CSNK1G1: variants seen among roughly 807,000 people sequenced by gnomAD.
CSNK1G1 encodes the protein casein kinase 1 gamma 1.
CSNK1G1 carries 22 observed loss-of-function variants against 59.6 expected under a neutral mutation model. The ratio of observed to expected loss-of-function variants is 0.37; its 90% CI spans 0.26 to 0.53. The LOEUF is 0.53. Among genes scored for constraint, CSNK1G1 ranks in the 20% least tolerant of loss-of-function variants. The pLI is 0.89. For missense variants in CSNK1G1, 384 were observed against 519.5 expected, an observed-to-expected ratio of 0.74 and a Z score of 2.54; for synonymous variants, 179 against 177.1, an observed-to-expected ratio of 1.01 and a Z score of -0.08.
intron 1 of CSNK1G1, among the ~76,000 whole-genome samples, chr15:64,339,514 T>C (rs959814018): frequency 6.6e-6 from 1 of 152,106 alleles, no homozygotes; most frequent in Non-Finnish European, 1.5e-5. Context: ...GGATTCGCCA[T>C]GTTGGCCCAG....
At chr15:64,219,469 T>C (rs1177568842) in intron 4 of CSNK1G1, among the ~76,000 whole-genome samples, 1 of 152,176 alleles carries the variant, frequency 6.6e-6, no homozygotes, top group Non-Finnish European at 1.5e-5. Flanking sequence ...CCTCTCCTTT[T>C]TTCTTTTGAG....
intron 11 of CSNK1G1, among the ~76,000 whole-genome samples, chr15:64,178,777 G>A (rs2081772478): frequency 6.6e-6 from 1 of 151,798 alleles, no homozygotes; most frequent in Non-Finnish European, 1.5e-5. Context: ...ACTGCACCTG[G>A]CCAAAAACTT....
chr15:64,272,944 T>A (rs1893403253), intron 2 of CSNK1G1, among the ~76,000 whole-genome samples: 2 of 152,182 alleles, frequency 1.3e-5, no homozygotes, highest in Admixed American at 1.3e-4. Flanking sequence ...GCTCAAGAGA[T>A]CCACCCACCT....
At chr15:64,345,963 G>T (rs995359167) in intron 1 of CSNK1G1, among the ~76,000 whole-genome samples, 1 of 151,828 alleles carries the variant, frequency 6.6e-6, no homozygotes, top group Non-Finnish European at 1.5e-5. Context: ...GCTAATTTTT[G>T]TATTTTTAGT....
At position 64,166,170 on chromosome 15, in the gene CSNK1G1, T is replaced by G; in HGVS notation, c.*5761A>C. On this transcript the variant is annotated 3_prime_UTR_variant, in exon 12 of 12. Transcript: ENST00000303052. The surrounding 1 kb of genome is among the most constrained non-coding windows in gnomAD (Gnocchi z 4.5). Reference sequence around the variant, plus strand: ...CTGATTTCCACTGCTGATTTATACATTATCTAGTTGTTTAAAAATCGCAAT... The same window carrying G: ...CTGATTTCCACTGCTGATTTATACAGTATCTAGTTGTTTAAAAATCGCAAT... 1 of 486,610 alleles carries G rather than the reference T, an allele frequency of 2.1e-6. No individual in the cohort carries two copies. The highest frequency in any genetic ancestry group is 3.6e-6 in the Non-Finnish European group (1 of 275,380). 30.1% of individuals were successfully genotyped at this position (486,610 alleles called of 1,614,324 possible). A position where few individuals can be genotyped will look rare whatever the true frequency, so the allele number is the denominator to read the frequency against.
At chr15:64,268,103 T>G (rs903260281) in intron 2 of CSNK1G1, among the ~76,000 whole-genome samples, 3 of 152,122 alleles carry the variant, frequency 2.0e-5, no homozygotes, top group Admixed American at 6.5e-5. Context: ...TGTACATCAA[T>G]AGATGAAAAG....
chr15:64,311,787 CG>C (rs1566943393), intron 1 of CSNK1G1, among the ~76,000 whole-genome samples: 1 of 151,124 alleles, frequency 6.6e-6, no homozygotes, highest in Non-Finnish European at 1.5e-5. Context: ...GGCTGAGGCA[CG>C]GGAATTGCTT....
At chr15:64,197,415 A>G (rs902786816) in intron 10 of CSNK1G1, among the ~76,000 whole-genome samples, 8 of 152,244 alleles carry the variant, frequency 5.3e-5, no homozygotes, top group African/African-American at 1.7e-4. Flanking sequence ...CAAACTCAAG[A>G]TGCCTAAATT....
intron 2 of CSNK1G1, among the ~76,000 whole-genome samples, chr15:64,297,011 C>G (rs963791792): frequency 1.4e-5 from 2 of 143,784 alleles, no homozygotes; most frequent in African/African-American, 5.3e-5. Flanking sequence ...CCACATAAAC[C>G]TGGAGCCCAA....
At chr15:64,230,787 A>G (rs2082537104) in intron 4 of CSNK1G1, among the ~76,000 whole-genome samples, 1 of 152,064 alleles carries the variant, frequency 6.6e-6, no homozygotes, top group Admixed American at 6.6e-5. Flanking sequence ...CCTGGCTAAC[A>G]CGGTGAAACC....
chr15:64,218,915 C>T lies in CSNK1G1; in HGVS notation c.293-2202G>A, dbSNP rs145438895. Among the ~76,000 whole-genome samples, 1,207 of 147,382 alleles carry T rather than the reference C, an allele frequency of 8.2e-3. 16 individuals are homozygous for T. The highest frequency in any genetic ancestry group is 0.028 in the African/African-American group (1,129 of 39,638). ...TGTAGCCCAGGCTGGAGTGCACTGG[C>T]GCCATCTCGACTCACTGCAACCTCC... On this transcript the variant is annotated intron_variant, in intron 4 of 11. Coordinates refer to ENST00000303052, the MANE Select transcript of CSNK1G1 (RefSeq NM_022048.5).
intron 1 of CSNK1G1, among the ~76,000 whole-genome samples, chr15:64,303,641 A>C (rs1385479415): frequency 6.6e-6 from 1 of 151,970 alleles, no homozygotes; most frequent in Non-Finnish European, 1.5e-5. Flanking sequence ...AATCCCAGCT[A>C]CTTGGGAGGC....
intron 3 of CSNK1G1, among the ~76,000 whole-genome samples, chr15:64,257,030 T>C (rs541024056): frequency 2.0e-5 from 3 of 152,006 alleles, no homozygotes; most frequent in African/African-American, 7.2e-5. Context: ...ATATCTTCCT[T>C]TGGAGAACAG....
In CSNK1G1 at chr15:64,300,443, T is replaced by C; in HGVS notation, c.57A>G (p.Ala19=). The C allele has an allele frequency of 6.2e-7, 1 of 1,614,220 alleles. No homozygotes were observed. The highest frequency in any genetic ancestry group is 8.5e-7 in the Non-Finnish European group (1 of 1,180,038). ...DERQRTTKPM[A]QRSAHCSRPS... ...GTCGAGAGCAGTGTGCACTCCTTTG[T>C]GCCATGGGTTTAGTTGTCCGTTGTC... Residue 19 remains alanine (A), a synonymous_variant, in exon 2 of 12, where the codon GCA becomes GCG. Coordinates refer to ENST00000303052, the MANE Select transcript of CSNK1G1 (RefSeq NM_022048.5).
At chr15:64,275,013 G>C (rs1893527561) in intron 2 of CSNK1G1, among the ~76,000 whole-genome samples, 1 of 152,196 alleles carries the variant, frequency 6.6e-6, no homozygotes, top group Non-Finnish European at 1.5e-5. Context: ...AAAGAGGACA[G>C]GTTGGCCTAT....
intron 10 of CSNK1G1, chr15:64,181,681 TCCTCAGTCTATG>T (rs758794496): frequency 2.2e-5 from 9 of 411,706 alleles, no homozygotes; most frequent in Non-Finnish European, 3.5e-5. Flanking sequence ...TTGGGCAAGA[TCCTCAGTCTATG>T]CCTAAGCTTC....
intron 1 of CSNK1G1, among the ~76,000 whole-genome samples, chr15:64,326,813 GCGCGCAC>G (rs1285412874): frequency 6.6e-6 from 1 of 150,790 alleles, no homozygotes; most frequent in Non-Finnish European, 1.5e-5. Flanking sequence ...GCCAGTGGGT[GCGCGCAC>G]CGTGCGCGAG....
In CSNK1G1 at chr15:64,204,407, G is replaced by A. The variant is rs143290434; in HGVS notation, c.999+34C>T. On this transcript the variant is annotated intron_variant, in intron 9 of 11. Coordinates refer to ENST00000303052, the MANE Select transcript of CSNK1G1 (RefSeq NM_022048.5). Reference sequence around the variant, plus strand: ...GTGCTGGTTGGAGAAAGGAGGTAATGAGGTTAAAAAAAAAAAAAAAAAAGG... The same window carrying A: ...GTGCTGGTTGGAGAAAGGAGGTAATAAGGTTAAAAAAAAAAAAAAAAAAGG... 5.8e-4 allele frequency: 847 copies of A among 1,452,602 alleles called. 3 individuals carry two copies. In the African/African-American group the frequency reaches 0.012, roughly 21 times the overall value. The allele number at this position is 1,452,602 out of a possible 1,614,324, so 90.0% of individuals were successfully genotyped here.
intron 4 of CSNK1G1, among the ~76,000 whole-genome samples, chr15:64,234,952 G>A (rs1381893671): frequency 6.6e-6 from 1 of 152,148 alleles, no homozygotes; most frequent in African/African-American, 2.4e-5. Context: ...GAAGGGCTAT[G>A]CAGGAGGCCT....
Sources: gnomAD v4.1 joint callset for allele counts (sites outside exome capture counted in the v4.1 genomes callset) on GRCh38, gnomAD v4.1.1 for gene constraint, Gnocchi (gnomAD v3.1) non-coding constraint, MANE v1.5 for transcripts, NCBI Gene and HGNC (gene_info 2026-07-23, HGNC 2026-07-21) for gene names.